IFI30: variants seen among roughly 807,000 people sequenced by gnomAD.
IFI30 encodes IFI30 lysosomal thiol reductase, also known as gamma-interferon-inducible lysosomal thiol reductase.
IFI30 carries 26 observed loss-of-function variants against 30.1 expected under a neutral mutation model. The ratio of observed to expected loss-of-function variants is 0.87; its 90% confidence interval spans 0.63 to 1.20. IFI30 has a LOEUF of 1.20. IFI30 is among the 50% of genes most tolerant of loss of function. The probability of loss-of-function intolerance (pLI) is 0.00; values close to 1 mark genes in which losing one functional copy is unlikely to be tolerated. For synonymous variants in IFI30, 149 were observed against 134.5 expected, an observed-to-expected ratio of 1.11 and a Z score of -0.75; for missense variants, 296 against 312.5, an observed-to-expected ratio of 0.95 and a Z score of 0.40.
intron 4 of IFI30, 68 bp downstream of exon 4, chr19:18,175,765 G>C (rs1402913259): frequency 1.6e-6 from 2 of 1,250,166 alleles, no homozygotes; most frequent in East Asian, 2.5e-5. Flanking sequence ...CATCCAGGCA[G>C]ACCCAAATTC....
At chr19:18,175,273 C>G (rs1323993199) in intron 2 of IFI30, 38 bp from the exon 3 acceptor site, 58 of 1,574,386 alleles carry the variant, frequency 3.7e-5, no homozygotes, top group Non-Finnish European at 4.9e-5. Context: ...AGCAGGGGAC[C>G]CAGCCTACCA....
At chr19:18,174,890 A>T (rs1307825998) in intron 1 of IFI30, 150 bp from the exon 2 acceptor site, 2 of 610,560 alleles carry the variant, frequency 3.3e-6, no homozygotes, top group Non-Finnish European at 5.6e-6. Flanking sequence ...AAAAAGTCTC[A>T]AAGTCAAGAT....
chr19:18,175,101 C>A lies in IFI30; in HGVS notation c.194C>A (p.Thr65Asn), dbSNP rs772623581. Residue 65 changes from threonine to asparagine, a missense_variant, in exon 2 of 7, where the codon ACC becomes AAC. By Grantham distance (65) the Thr-to-Asn change is moderately conservative. Coordinates refer to ENST00000407280, the MANE Select transcript of IFI30 (RefSeq NM_006332.5). Reference protein sequence around the residue: ...KKSNAPLVNVTLYYEALCGGC... With the variant: ...KKSNAPLVNVNLYYEALCGGC... ...TCCAATGCACCGCTTGTCAATGTGA[C>A]CCTCTACTATGAAGCACTGTGCGGT... The A allele has an allele frequency of 1.2e-5, 20 of 1,613,636 alleles. No individual in the cohort carries two copies. In the East Asian group the frequency reaches 4.5e-4, roughly 36 times the overall value.
In IFI30 at chr19:18,177,243, A is replaced by G. The variant is rs1429300671; in HGVS notation, c.587A>G (p.Asp196Gly). 1 of 1,588,504 alleles carries G rather than the reference A, an allele frequency of 6.3e-7. No homozygotes were observed. Among genetic ancestry groups the G allele is most frequent in the African/African-American group, 1.3e-5 (1 of 74,368 alleles). ...ATGCACGCCAACGCCCAGCGGACAG[A>G]TGCTCTCCAGCCACCACACGAGTAT... ...QLMHANAQRTDALQPPHEYVP... is the reference protein window; with the variant it reads ...QLMHANAQRTGALQPPHEYVP... Residue 196 changes from aspartate to glycine, a missense_variant, in exon 5 of 7, where the codon GAT (aspartate) becomes GGT (glycine). By Grantham distance (94) the Asp-to-Gly change is moderately conservative. Transcript: ENST00000407280.
At chr19:18,176,921 C>T (rs955858378) in intron 4 of IFI30, among the ~76,000 whole-genome samples, 1 of 152,100 alleles carries the variant, frequency 6.6e-6, no homozygotes, top group African/African-American at 2.4e-5. Context: ...GGGATGAAAC[C>T]AAGGGAGCTA....
At position 18,175,667 on chromosome 19, in the gene IFI30, G is replaced by C. The variant is rs773697080; in HGVS notation, c.453G>C (p.Glu151Asp). Residue 151 changes from glutamate (E) to aspartate (D), a missense_variant, in exon 4 of 7, where the codon GAG becomes GAC. By Grantham distance (45) the Glu-to-Asp change is conservative (BLOSUM62 2). Transcript: ENST00000407280. ...TCCTGACCATTGTCTGCATGGAAGA[G>C]TTTGAGGACATGGAGAGAAGTCTGC... ...LAFLTIVCME[E>D]FEDMERSLPL... is the part of the protein sequence containing the mutation. 5 of 1,609,790 alleles carry C rather than the reference G, an allele frequency of 3.1e-6. No homozygotes were observed. In the African/African-American group the frequency reaches 6.7e-5, roughly 22 times the overall value.
In IFI30 at chr19:18,178,089, G is replaced by A. The variant is rs747141907; in HGVS notation, c.*178G>A. 1.4e-4 allele frequency: 88 copies of A among 634,580 alleles called. No individual in the cohort carries two copies. Among genetic ancestry groups the A allele is most frequent in the Admixed American group, 2.7e-4 (10 of 37,430 alleles). The allele number at this position is 634,580 out of a possible 1,614,324, so 39.3% of individuals were successfully genotyped here. A position where few individuals can be genotyped will look rare whatever the true frequency, so the allele number is the denominator to read the frequency against. On this transcript the variant is annotated 3_prime_UTR_variant, in exon 7 of 7. Coordinates refer to ENST00000407280, the MANE Select transcript of IFI30 (RefSeq NM_006332.5). ...TCAAGAATCCTGCTCCACTAAGAAT[G>A]GTGCTAAAGTAAAACTAGTTTAATA...
At chr19:18,175,547 G>A (rs1231204164) in intron 3 of IFI30, 58 bp from the exon 4 acceptor site, 2 of 1,491,448 alleles carry the variant, frequency 1.3e-6, no homozygotes, top group Admixed American at 1.9e-5. Flanking sequence ...TTACGAGAGG[G>A]TGTCAGGGTA....
chr19:18,175,558 C>T (rs1967259312), intron 3 of IFI30, 47 bp from the exon 4 acceptor site: 2 of 1,532,158 alleles, frequency 1.3e-6, no homozygotes, highest in African/African-American at 1.4e-5. Context: ...TGTCAGGGTA[C>T]CCTAGGCCCT....
chr19:18,175,110 A>G lies in IFI30; in HGVS notation c.203A>G (p.Tyr68Cys), dbSNP rs1180602906. 5 of 1,613,676 alleles carry G rather than the reference A, an allele frequency of 3.1e-6. No homozygotes were observed. The highest frequency in any genetic ancestry group is 1.7e-5 in the Admixed American group (1 of 59,954). ...NAPLVNVTLY[Y>C]EALCGGCRAF... ...CCGCTTGTCAATGTGACCCTCTACT[A>G]TGAAGCACTGTGCGGTGGCTGCCGA... The change falls in exon 2 of 7, where the codon TAT (tyrosine) becomes TGT (cysteine). Residue 68 changes from tyrosine to cysteine, a missense_variant. Coordinates refer to ENST00000407280, the MANE Select transcript of IFI30 (RefSeq NM_006332.5).
chr19:18,175,298 T>C lies in IFI30; in HGVS notation c.316-13T>C, dbSNP rs1190712710. 3.2e-6 allele frequency: 5 copies of C among 1,582,156 alleles called. No homozygotes were observed. The African/African-American group carries it at 6.7e-5, about 21-fold the overall frequency. Reference sequence around the variant, plus strand: ...CCAGCCTACCAGCAGGCTCTCACCCTGCTGCCTTGCAGGAACAAAATGTCA... The same window carrying C: ...CCAGCCTACCAGCAGGCTCTCACCCCGCTGCCTTGCAGGAACAAAATGTCA... On this transcript the variant is annotated splice_polypyrimidine_tract_variant and intron_variant, in intron 2 of 6. Transcript: ENST00000407280.
intron 1 of IFI30, 80 bp downstream of exon 1, chr19:18,174,053 C>T: frequency 3.0e-6 from 4 of 1,340,648 alleles, no homozygotes; most frequent in Non-Finnish European, 4.1e-6. Flanking sequence ...TCTCCCCAGA[C>T]TTCACAGGGG....
chr19:18,173,881 C>T lies in IFI30; in HGVS notation c.40C>T (p.Leu14=). 1 of 1,550,398 alleles carries T rather than the reference C, an allele frequency of 6.4e-7. No individual in the cohort carries two copies. ...SPLLLFLPPL[L]LLLDVPTAAV... is the part of the protein sequence containing the mutation. ...ACTTCTGCTGTTCCTGCCACCGCTG[C>T]TGCTGCTGCTGGACGTCCCCACGGC... The change falls in exon 1 of 7, where the codon CTG becomes TTG. Residue 14 remains leucine (L), a synonymous_variant. Transcript: ENST00000407280.
In IFI30 at chr19:18,175,134, G is replaced by A. The variant is rs11554159; in HGVS notation, c.227G>A (p.Arg76Gln). 0.25 allele frequency: 410,834 copies of A among 1,611,462 alleles called. 53,986 individuals are homozygous for A. The highest frequency in any genetic ancestry group is 0.32 in the Middle Eastern group (1,925 of 6,056). ...LYYEALCGGCRAFLIRELFPT... is the reference protein window; with the variant it reads ...LYYEALCGGCQAFLIRELFPT... The stretch of plus-strand genomic sequence containing the variant: ...TATGAAGCACTGTGCGGTGGCTGCC[G>A]AGCCTTCCTGATCCGGGAGCTCTTC... Residue 76 changes from arginine to glutamine, a missense_variant, in exon 2 of 7, where the codon CGA (arginine) becomes CAA (glutamine). Physicochemically the swap from Arg to Gln is conservative, Grantham distance 43. Transcript: ENST00000407280.
Position 18,173,979 on chromosome 19 carries a change from G to A in IFI30, c.132+6G>A. The A allele has an allele frequency of 6.5e-7, 1 of 1,548,780 alleles. No homozygotes were observed. The highest frequency in any genetic ancestry group is 8.7e-7 in the Non-Finnish European group (1 of 1,145,874). On this transcript the variant is annotated splice_donor_region_variant and intron_variant, in intron 1 of 6. Transcript: ENST00000407280. ...GGCCACCAGTTAACTACAAGGTAGG[G>A]ACGGCGACAGGGCGGGCAGGCTGGA...
At chr19:18,177,528 T>C in intron 5 of IFI30, 183 bp from the exon 6 acceptor site, 1 of 786,890 alleles carries the variant, frequency 1.3e-6, no homozygotes, top group Admixed American at 2.3e-5. Flanking sequence ...AAAAAAAGTA[T>C]GTATTAATTC....
chr19:18,176,474 C>T (rs1967271209), intron 4 of IFI30, among the ~76,000 whole-genome samples: 1 of 152,110 alleles, frequency 6.6e-6, no homozygotes, highest in East Asian at 1.9e-4. Context: ...AAGCCTCCAT[C>T]TCTGAATCAG....
At chr19:18,175,720 C>T in intron 4 of IFI30, 23 bp downstream of exon 4, 1 of 1,560,820 alleles carries the variant, frequency 6.4e-7, no homozygotes, top group Non-Finnish European at 8.7e-7. Context: ...CCTCACTCCA[C>T]CCAAGGAGGG....
rs113288575 is a variant in IFI30 at position 18,174,723 on chromosome 19, T to C, written c.133-317T>C. On this transcript the variant is annotated intron_variant, in intron 1 of 6. Transcript: ENST00000407280. ...CCTGTCTCTACTAAAAATACAAAAA[T>C]TAGCTGGGTGTGGTGGCATGTGCCT... 884 of 261,950 alleles carry C rather than the reference T, an allele frequency of 3.4e-3. 3 individuals are homozygous for C. The highest frequency in any genetic ancestry group is 0.018 in the African/African-American group (785 of 44,240). 16.2% of individuals were successfully genotyped at this position (261,950 alleles called of 1,614,324 possible).
Sources: gnomAD v4.1 joint callset for allele counts (sites outside exome capture counted in the v4.1 genomes callset) on GRCh38, gnomAD v4.1.1 for gene constraint, MANE v1.5 for transcripts, NCBI Gene and HGNC (gene_info 2026-07-23, HGNC 2026-07-21) for gene names.